Variants in CHL1 observed in about 807,000 individuals in gnomAD.
CHL1 encodes the protein cell adhesion molecule L1 like.
Under a neutral mutation model 141.9 loss-of-function variants are expected in CHL1, and 96 were observed. The observed-to-expected ratio is 0.68, with a 90% CI of 0.57 to 0.80. CHL1 has a LOEUF of 0.80. Among genes scored for constraint, CHL1 ranks in the 30% least tolerant of loss-of-function variants. The pLI is 0.00. For missense variants in CHL1, 1,820 were observed against 1,457.2 expected (o/e 1.25, Z -4.05); for synonymous variants, 613 against 502.2 (o/e 1.22, Z -2.95).
intron 19 of CHL1, among the ~76,000 whole-genome samples, chr3:388,277 G>A (rs1707918666): frequency 1.3e-5 from 2 of 152,204 alleles, no homozygotes; most frequent in Non-Finnish European, 1.5e-5. Context: ...GCTGGGTGCT[G>A]TGGCCCATGC....
At chr3:354,342 G>A (rs1164607654) in intron 10 of CHL1, among the ~76,000 whole-genome samples, 2 of 151,844 alleles carry the variant, frequency 1.3e-5, no homozygotes, top group Admixed American at 6.6e-5. Flanking sequence ...TCCTAGTGGG[G>A]TAGCTACTTG....
chr3:326,871 G>C (rs1056250233), intron 4 of CHL1, among the ~76,000 whole-genome samples: 9 of 151,764 alleles, frequency 5.9e-5, no homozygotes, highest in Non-Finnish European at 1.0e-4. Flanking sequence ...ATTATTGCCT[G>C]ATGGGTTGAT....
chr3:390,850 G>C (rs1261619862), intron 21 of CHL1, 34 bp downstream of exon 21: 2 of 1,505,344 alleles, frequency 1.3e-6, no homozygotes, highest in Non-Finnish European at 1.8e-6. Flanking sequence ...TCTTCTTGTT[G>C]AATTGGTATC....
intron 1 of CHL1, among the ~76,000 whole-genome samples, chr3:230,567 C>G (rs1701771768): frequency 6.6e-6 from 1 of 151,704 alleles, no homozygotes. Flanking sequence ...ATTAGAATCA[C>G]AATACTTGGG....
At chr3:234,121 A>G (rs1052407297) in intron 1 of CHL1, among the ~76,000 whole-genome samples, 2 of 151,962 alleles carry the variant, frequency 1.3e-5, no homozygotes, top group African/African-American at 2.4e-5. Context: ...TAATATATCA[A>G]TTGAGGAAGG....
chr3:374,264 C>G (rs1260353977), intron 15 of CHL1, among the ~76,000 whole-genome samples: 1 of 152,104 alleles, frequency 6.6e-6, no homozygotes, highest in East Asian at 1.9e-4. Flanking sequence ...TGTATTACAA[C>G]CAGTTCTCAT....
chr3:380,902 T>G (rs189388462), intron 16 of CHL1, among the ~76,000 whole-genome samples: 1 of 152,334 alleles, frequency 6.6e-6, no homozygotes, highest in East Asian at 1.9e-4. Flanking sequence ...CTGTGGGCAA[T>G]GCAAAGCTTA....
At chr3:219,793 T>C (rs1217251949) in intron 1 of CHL1, among the ~76,000 whole-genome samples, 1 of 152,106 alleles carries the variant, frequency 6.6e-6, no homozygotes, top group Admixed American at 6.6e-5. Context: ...ATGACACAGG[T>C]TTACCTGTGT....
At chr3:379,515 G>GAGGGGTAAGTGTC (rs1176162039) in intron 16 of CHL1, among the ~76,000 whole-genome samples, 2 of 152,132 alleles carry the variant, frequency 1.3e-5, no homozygotes, top group African/African-American at 4.8e-5. Context: ...CTAGTGAGTA[G>GAGGGGTAAGTGTC]AGGGGTAAGT....
intron 5 of CHL1, among the ~76,000 whole-genome samples, chr3:330,184 A>G (rs975085642): frequency 1.3e-5 from 2 of 152,142 alleles, no homozygotes; most frequent in Admixed American, 1.3e-4. Flanking sequence ...AATAAATAGA[A>G]AACTTAAAAA....
intron 3 of CHL1, among the ~76,000 whole-genome samples, chr3:321,871 C>A (rs973389140): frequency 9.2e-5 from 14 of 152,028 alleles, no homozygotes; most frequent in African/African-American, 2.9e-4. Flanking sequence ...CTGTAATTGG[C>A]TTAATTATAG....
chr3:232,801 G>A (rs1701983829), intron 1 of CHL1, among the ~76,000 whole-genome samples: 1 of 151,968 alleles, frequency 6.6e-6, no homozygotes, highest in Non-Finnish European at 1.5e-5. Context: ...TGGCTAAATG[G>A]CTTGCTAGTA....
In CHL1 at chr3:214,973, C is replaced by T. The variant is rs914766256; in HGVS notation, c.-175+17910C>T. On this transcript the variant is annotated intron_variant, in intron 1 of 27. Transcript: ENST00000256509. ...GTGCACGTGCACACACACACACACACACACACACACGTAACTGCTCTTTTG... is the reference window on the plus strand; with the variant it reads ...GTGCACGTGCACACACACACACACATACACACACACGTAACTGCTCTTTTG... 3.3e-5 allele frequency among the ~76,000 whole-genome samples: 5 copies of T among 151,988 alleles called. No individual in the cohort carries two copies. In the South Asian group the frequency reaches 1.0e-3, roughly 32 times the overall value.
At chr3:336,138 T>C (rs1701843903) in intron 5 of CHL1, among the ~76,000 whole-genome samples, 1 of 152,142 alleles carries the variant, frequency 6.6e-6, no homozygotes, top group South Asian at 2.1e-4. Flanking sequence ...CTTCAGTGTT[T>C]ATGGATAATC....
intron 19 of CHL1, among the ~76,000 whole-genome samples, chr3:388,290 A>G (rs569112489): frequency 6.6e-6 from 1 of 152,338 alleles, no homozygotes; most frequent in Admixed American, 6.5e-5. Context: ...GCCCATGCCT[A>G]TAATCCCAGC....
intron 2 of CHL1, among the ~76,000 whole-genome samples, chr3:256,677 C>G (rs1011526568): frequency 3.3e-5 from 5 of 152,122 alleles, no homozygotes; most frequent in African/African-American, 1.2e-4. Flanking sequence ...GAAACTCTGG[C>G]TTAGAGAATT....
At chr3:232,038 C>T (rs918395675) in intron 1 of CHL1, among the ~76,000 whole-genome samples, 2 of 152,122 alleles carry the variant, frequency 1.3e-5, no homozygotes, top group Non-Finnish European at 2.9e-5. Flanking sequence ...GATTTCTGTA[C>T]TTATCAGTAT....
intron 26 of CHL1, among the ~76,000 whole-genome samples, chr3:400,799 CA>C (rs1231721572): frequency 6.9e-6 from 1 of 145,542 alleles, no homozygotes; most frequent in East Asian, 2.1e-4. Context: ...GAGACTGTCT[CA>C]AAAAAAGTAA....
intron 2 of CHL1, among the ~76,000 whole-genome samples, chr3:273,799 A>T (rs1174313856): frequency 6.6e-6 from 1 of 152,084 alleles, no homozygotes; most frequent in Non-Finnish European, 1.5e-5. Context: ...CCTATGTTAA[A>T]TTTGCTTTTC....
Sources: gnomAD v4.1 joint callset for allele counts (sites outside exome capture counted in the v4.1 genomes callset) on GRCh38, gnomAD v4.1.1 for gene constraint, MANE v1.5 for transcripts, NCBI Gene and HGNC (gene_info 2026-07-23, HGNC 2026-07-21) for gene names.